AKAP11: variants seen among roughly 807,000 people sequenced by gnomAD.
AKAP11 encodes the protein A-kinase anchor protein 11.
Under a neutral mutation model 146.1 loss-of-function variants are expected in AKAP11, and 36 were observed. That is an observed-to-expected ratio of 0.25 (90% CI 0.19 to 0.33). The LOEUF (loss-of-function observed/expected upper bound fraction) is 0.33, where lower values mean the gene tolerates loss of function less well. Among genes scored for constraint, AKAP11 ranks in the 10% least tolerant of loss-of-function variants. The probability of loss-of-function intolerance (pLI) is 1.00; values close to 1 mark genes in which losing one functional copy is unlikely to be tolerated. For synonymous variants in AKAP11, 780 were observed against 786.5 expected, an observed-to-expected ratio of 0.99 and a Z score of 0.14; for missense variants, 2,201 against 2,197.0, an observed-to-expected ratio of 1.00 and a Z score of -0.04.
intron 9 of AKAP11, among the ~76,000 whole-genome samples, chr13:42,310,333 A>G (rs1026145370): frequency 4.6e-5 from 7 of 152,312 alleles, no homozygotes; most frequent in Admixed American, 2.0e-4. Context: ...TGCTCGTTGC[A>G]TATACAGTGT....
At chr13:42,318,993 A>G in intron 12 of AKAP11, 95 bp from the exon 13 acceptor site, 2 of 1,379,854 alleles carry the variant, frequency 1.4e-6, no homozygotes, top group South Asian at 2.7e-5. Flanking sequence ...TGTAAACAGC[A>G]GGATTCTTAA....
At chr13:42,308,038 T>G (rs1334073612) in intron 8 of AKAP11, among the ~76,000 whole-genome samples, 2 of 152,198 alleles carry the variant, frequency 1.3e-5, no homozygotes, top group Non-Finnish European at 2.9e-5. Flanking sequence ...ATACTAGAAT[T>G]TCTTGAACGA....
Position 42,302,723 on chromosome 13 carries a change from C to A in AKAP11, c.3977C>A (p.Ser1326Tyr). ...TTTATTCTTTCATTACCACCAAGTT[C>A]TTGTATGTCAGGTCTGATGTATAAG... The part of the protein sequence containing the change: ...DPFILSLPPS[S>Y]CMSGLMYKYP... The change falls in exon 8 of 13, where the codon TCT (serine) becomes TAT (tyrosine). Residue 1326 changes from serine to tyrosine, a missense_variant. By Grantham distance (144) the Ser-to-Tyr change is moderately radical. Transcript: ENST00000025301. 1 of 1,614,022 alleles carries A rather than the reference C, an allele frequency of 6.2e-7. No individual in the cohort carries two copies. Among genetic ancestry groups the A allele is most frequent in the Non-Finnish European group, 8.5e-7 (1 of 1,179,986 alleles).
chr13:42,274,395 A>T (rs1384220454), intron 1 of AKAP11, among the ~76,000 whole-genome samples: 1 of 152,198 alleles, frequency 6.6e-6, no homozygotes, highest in African/African-American at 2.4e-5. Context: ...TTAAAAAAAT[A>T]CTTCTGGGCC....
chr13:42,310,519 GTTCTT>G (rs1161785716), intron 9 of AKAP11, among the ~76,000 whole-genome samples: 11 of 152,182 alleles, frequency 7.2e-5, no homozygotes, highest in Admixed American at 5.9e-4. Context: ...TATCTATACT[GTTCTT>G]TTCTGCTACA....
intron 1 of AKAP11, among the ~76,000 whole-genome samples, chr13:42,274,048 T>G (rs542247272): frequency 1.2e-4 from 19 of 152,322 alleles, no homozygotes; most frequent in African/African-American, 3.4e-4. Flanking sequence ...GAAAAATAAA[T>G]TTTTTGGCTG....
At position 42,303,182 on chromosome 13, in the gene AKAP11, G is replaced by T; in HGVS notation, c.4436G>T (p.Gly1479Val). The T allele has an allele frequency of 6.2e-7, 1 of 1,614,132 alleles. No individual in the cohort carries two copies. The highest frequency in any genetic ancestry group is 8.5e-7 in the Non-Finnish European group (1 of 1,180,034). The change falls in exon 8 of 13, where the codon GGC becomes GTC. Residue 1479 changes from glycine to valine, a missense_variant. This residue lies in a region of AKAP11 where 1,867 missense variants were observed against 1,833.5 expected (regional missense o/e 1.02). Coordinates refer to ENST00000025301, the MANE Select transcript of AKAP11 (RefSeq NM_016248.4). ...AKEELTASLV[G>V]LPKSLTDSCL... ...GAAGAGTTGACAGCCTCTCTAGTTG[G>T]CCTACCAAAATCCTTAACAGATTCT...
Position 42,303,375 on chromosome 13 carries a change from T to C in AKAP11, c.4629T>C (p.Tyr1543=). 6.2e-7 allele frequency: 1 copy of C among 1,613,604 alleles called. No homozygotes were observed. ...GDNVVQAVEQ[Y]AKKVVDDTLE... Reference sequence around the variant, plus strand: ...ATGTTGTTCAAGCTGTAGAACAGTATGCCAAAAAAGTAGTGGATGACACTC... The same window carrying C: ...ATGTTGTTCAAGCTGTAGAACAGTACGCCAAAAAAGTAGTGGATGACACTC... Residue 1543 remains tyrosine, a synonymous_variant, in exon 8 of 13, where the codon TAT becomes TAC. Transcript: ENST00000025301.
Position 42,322,172 on chromosome 13 carries a change from C to T in AKAP11, c.*2944C>T, listed in dbSNP as rs1053147829. 6.6e-6 allele frequency: 1 copy of T among 152,210 alleles called. No individual in the cohort carries two copies. Among genetic ancestry groups the T allele is most frequent in the Non-Finnish European group, 1.5e-5 (1 of 67,978 alleles). The allele number at this position is 152,210 out of a possible 1,614,324, so 9.4% of individuals were successfully genotyped here. A position where few individuals can be genotyped will look rare whatever the true frequency, so the allele number is the denominator to read the frequency against. The stretch of plus-strand genomic sequence containing the variant: ...GATTCATGGTGAATATATGTGATAA[C>T]ATCTTTATACTTTGAAAAATGTTCC... On this transcript the variant is annotated 3_prime_UTR_variant, in exon 13 of 13. Transcript: ENST00000025301.
At chr13:42,277,327 C>A (rs1053770933) in intron 1 of AKAP11, among the ~76,000 whole-genome samples, 9 of 152,200 alleles carry the variant, frequency 5.9e-5, no homozygotes, top group Non-Finnish European at 1.0e-4. Context: ...GTTTTATCCT[C>A]CTGCCTTCAT....
intron 5 of AKAP11, 24 bp downstream of exon 5, chr13:42,295,766 A>G (rs946690594): frequency 1.2e-6 from 2 of 1,602,528 alleles, no homozygotes; most frequent in Non-Finnish European, 1.7e-6. Context: ...TAGCATTTTT[A>G]CTGAGTATTC....
intron 8 of AKAP11, among the ~76,000 whole-genome samples, chr13:42,304,411 C>A (rs1423379709): frequency 6.6e-6 from 1 of 152,220 alleles, no homozygotes; most frequent in Non-Finnish European, 1.5e-5. Flanking sequence ...ATCAGGTCCA[C>A]AAACCTGGTA....
chr13:42,306,022 C>G (rs1281790935), intron 8 of AKAP11, among the ~76,000 whole-genome samples: 4 of 152,152 alleles, frequency 2.6e-5, no homozygotes, highest in South Asian at 2.1e-4. Flanking sequence ...ATCCAATCAC[C>G]TCCCACCAGG....
At chr13:42,293,233 G>A (rs1414621329) in intron 4 of AKAP11, among the ~76,000 whole-genome samples, 1 of 152,192 alleles carries the variant, frequency 6.6e-6, no homozygotes, top group African/African-American at 2.4e-5. Context: ...ACTTATGATC[G>A]AGTTACATCC....
At chr13:42,305,392 A>C (rs1350860553) in intron 8 of AKAP11, among the ~76,000 whole-genome samples, 1 of 152,144 alleles carries the variant, frequency 6.6e-6, no homozygotes, top group East Asian at 1.9e-4. Flanking sequence ...GAACTAGGAG[A>C]GGTCTCTATT....
intron 3 of AKAP11, among the ~76,000 whole-genome samples, chr13:42,289,135 C>T (rs535616912): frequency 3.9e-5 from 6 of 152,288 alleles, no homozygotes; most frequent in African/African-American, 1.4e-4. Flanking sequence ...ATGTTTTTGG[C>T]ATCCCTTGCT....
At chr13:42,316,874 T>G (rs1328370885) in intron 11 of AKAP11, among the ~76,000 whole-genome samples, 1 of 151,898 alleles carries the variant, frequency 6.6e-6, no homozygotes, top group Non-Finnish European at 1.5e-5. Flanking sequence ...GAGATTTCTG[T>G]TTTTTTGTGG....
At chr13:42,285,065 T>C (rs1396259911) in intron 1 of AKAP11, among the ~76,000 whole-genome samples, 1 of 152,240 alleles carries the variant, frequency 6.6e-6, no homozygotes, top group Non-Finnish European at 1.5e-5. Context: ...GAATATACAA[T>C]TTGAACTTCA....
chr13:42,300,920 T>A lies in AKAP11; in HGVS notation c.2174T>A (p.Ile725Asn). Residue 725 changes from isoleucine to asparagine, a missense_variant, in exon 8 of 13, where the codon ATC (isoleucine) becomes AAC (asparagine). This residue lies in a region of AKAP11 where 1,867 missense variants were observed against 1,833.5 expected (regional missense o/e 1.02). Coordinates refer to ENST00000025301, the MANE Select transcript of AKAP11 (RefSeq NM_016248.4). ...KAAVSVSTDN[I>N]KYVSAESVVP... Reference sequence around the variant, plus strand: ...GCAGTTAGTGTCTCTACGGATAATATCAAGTATGTGAGTGCAGAAAGTGTA... The same window carrying A: ...GCAGTTAGTGTCTCTACGGATAATAACAAGTATGTGAGTGCAGAAAGTGTA... 6.2e-7 allele frequency: 1 copy of A among 1,614,134 alleles called. No homozygotes were observed.
Sources: allele counts gnomAD v4.1 joint callset (sites outside exome capture counted in the v4.1 genomes callset), GRCh38; gene constraint gnomAD v4.1.1; regional missense constraint gnomAD v4.1.1; transcripts MANE v1.5; gene names NCBI Gene and HGNC (gene_info 2026-07-23, HGNC 2026-07-21).